Variants in REDIC1 observed in about 807,000 individuals in gnomAD.
The protein encoded by REDIC1 is HEI10 Interacting Protein 1.
the REDIC1 span, among the ~76,000 whole-genome samples, chr12:39,794,143 A>C: frequency 1.3e-4 from 20 of 151,416 alleles, 1 homozygote; most frequent in East Asian, 1.9e-3. Context: ...AAAAAAAAAA[A>C]AAAAAACCAA....
chr12:39,700,101 C>T, the REDIC1 span, among the ~76,000 whole-genome samples: 7 of 152,250 alleles, frequency 4.6e-5, no homozygotes, highest in Middle Eastern at 3.4e-3. Flanking sequence ...ATGACTTTGA[C>T]GAGCTGAGAG....
At chr12:39,888,034 C>T in the REDIC1 span, among the ~76,000 whole-genome samples, 1 of 152,158 alleles carries the variant, frequency 6.6e-6, no homozygotes, top group South Asian at 2.1e-4. Context: ...CTCTATTAGA[C>T]TGATCTGGCA....
At chr12:39,646,565 TTTTG>T in the REDIC1 span, 2 of 1,142,288 alleles carry the variant, frequency 1.8e-6, no homozygotes, top group Middle Eastern at 2.5e-4. Flanking sequence ...TACCCCCAGT[TTTTG>T]TTTGTTTGGC....
the REDIC1 span, among the ~76,000 whole-genome samples, chr12:39,843,930 CT>C: frequency 1.3e-5 from 2 of 152,022 alleles, no homozygotes; most frequent in African/African-American, 4.8e-5. Context: ...TATCAGTATG[CT>C]TTTTTCCCCC....
chr12:39,744,036 A>G, the REDIC1 span, among the ~76,000 whole-genome samples: 3 of 152,152 alleles, frequency 2.0e-5, no homozygotes, highest in Admixed American at 6.6e-5. Flanking sequence ...CAAAATGGAT[A>G]CCTAGGCATA....
At chr12:39,705,473 A>G in the REDIC1 span, among the ~76,000 whole-genome samples, 4 of 152,154 alleles carry the variant, frequency 2.6e-5, no homozygotes, top group Admixed American at 6.6e-5. Context: ...AAGGCAATGT[A>G]TTAACCTGAT....
At chr12:39,867,566 T>A in the REDIC1 span, among the ~76,000 whole-genome samples, 12 of 152,144 alleles carry the variant, frequency 7.9e-5, no homozygotes, top group Non-Finnish European at 1.0e-4. Context: ...ATGGATAATA[T>A]GACTCTACAT....
At chr12:39,679,746 A>G in the REDIC1 span, among the ~76,000 whole-genome samples, 240 of 152,218 alleles carry the variant, frequency 1.6e-3, 1 homozygote, top group Non-Finnish European at 5.7e-4. Context: ...AAACTATACT[A>G]CAGGGCTATG....
At chr12:39,745,557 AC>A in the REDIC1 span, among the ~76,000 whole-genome samples, 2 of 152,338 alleles carry the variant, frequency 1.3e-5, no homozygotes, top group East Asian at 3.9e-4. Flanking sequence ...CTAGCACATA[AC>A]GAGTGTGTTA....
the REDIC1 span, among the ~76,000 whole-genome samples, chr12:39,634,172 T>G: frequency 6.6e-6 from 1 of 152,152 alleles, no homozygotes. Flanking sequence ...GATTCCTAGG[T>G]ATTTTATTCT....
At chr12:39,699,365 T>C in the REDIC1 span, among the ~76,000 whole-genome samples, 1 of 152,148 alleles carries the variant, frequency 6.6e-6, no homozygotes, top group African/African-American at 2.4e-5. Flanking sequence ...ATCGGGTCAC[T>C]CCCATCCGAA....
chr12:39,656,255 A>G, the REDIC1 span, among the ~76,000 whole-genome samples: 1 of 152,196 alleles, frequency 6.6e-6, no homozygotes, highest in East Asian at 1.9e-4. Context: ...TTGTATAGAA[A>G]GCATATACAG....
the REDIC1 span, among the ~76,000 whole-genome samples, chr12:39,696,475 G>A: frequency 7.9e-5 from 11 of 139,262 alleles, no homozygotes; most frequent in Non-Finnish European, 1.1e-4. Flanking sequence ...CCCGGGAGGC[G>A]GAGCTTGCAG....
chr12:39,773,490 C>T, the REDIC1 span, among the ~76,000 whole-genome samples: 1 of 152,192 alleles, frequency 6.6e-6, no homozygotes, highest in African/African-American at 2.4e-5. Context: ...CCCACCAAAC[C>T]TAGTTCATAC....
chr12:39,736,242 C>A, the REDIC1 span, among the ~76,000 whole-genome samples: 1 of 152,158 alleles, frequency 6.6e-6, no homozygotes, highest in Non-Finnish European at 1.5e-5. Context: ...ACTATTGTAT[C>A]TTTCTTTTGC....
At chr12:39,764,121 T>C in the REDIC1 span, among the ~76,000 whole-genome samples, 1 of 152,032 alleles carries the variant, frequency 6.6e-6, no homozygotes, top group Admixed American at 6.6e-5. Context: ...CTTTTTACCA[T>C]TTTCTGTTTT....
chr12:39,695,045 A>C, the REDIC1 span, among the ~76,000 whole-genome samples: 9 of 152,190 alleles, frequency 5.9e-5, no homozygotes, highest in Middle Eastern at 6.8e-3. Flanking sequence ...AATCCTGGCA[A>C]GATTCATCAC....
At chr12:39,706,993 GGACAAACAGGATCACATCA>G in the REDIC1 span, among the ~76,000 whole-genome samples, 1 of 151,552 alleles carries the variant, frequency 6.6e-6, no homozygotes, top group African/African-American at 2.4e-5. Context: ...AAGCAAAAAT[GGACAAACAGGATCACATCA>G]GACAAACAGG....
the REDIC1 span, among the ~76,000 whole-genome samples, chr12:39,784,962 G>T: frequency 6.6e-6 from 1 of 152,182 alleles, no homozygotes; most frequent in East Asian, 1.9e-4. Context: ...TGACTTGGGT[G>T]CTGTTAAAAG....
Sources: allele counts gnomAD v4.1 joint callset (sites outside exome capture counted in the v4.1 genomes callset), GRCh38; gene constraint gnomAD v4.1.1; transcripts MANE v1.5; gene names NCBI Gene and HGNC (gene_info 2026-07-23, HGNC 2026-07-21).